The following RAD21 variants were observed in gnomAD, a reference collection of about 807,000 sequenced individuals.
RAD21 encodes double-strand-break repair protein rad21 homolog.
In RAD21, 18 loss-of-function variants were observed where a neutral mutation model predicts 71.5. The ratio of observed to expected loss-of-function variants is 0.25; its 90% CI spans 0.17 to 0.37. The LOEUF (loss-of-function observed/expected upper bound fraction) is 0.37. Among genes scored for constraint, RAD21 ranks in the 10% least tolerant of loss-of-function variants. The pLI, the probability that RAD21 is intolerant of heterozygous loss-of-function variation, is 1.00. For missense variants in RAD21, 493 were observed against 769.1 expected, an observed-to-expected ratio of 0.64 and a Z score of 4.25; for synonymous variants, 248 against 254.0, an observed-to-expected ratio of 0.98 and a Z score of 0.22.
At chr8:116,854,949 C>T (rs1812431515) in intron 8 of RAD21, among the ~76,000 whole-genome samples, 1 of 152,052 alleles carries the variant, frequency 6.6e-6, no homozygotes, top group Admixed American at 6.6e-5. Flanking sequence ...GAAACAAGCC[C>T]AAGCCCAGTC....
intron 1 of RAD21, among the ~76,000 whole-genome samples, chr8:116,873,213 T>C (rs939624490): frequency 6.6e-6 from 1 of 152,230 alleles, no homozygotes; most frequent in Non-Finnish European, 1.5e-5. Context: ...TCTTAGAATT[T>C]GTATGTTTCA....
chr8:116,855,646 C>G (rs1812445842), intron 8 of RAD21, among the ~76,000 whole-genome samples: 1 of 152,054 alleles, frequency 6.6e-6, no homozygotes, highest in Non-Finnish European at 1.5e-5. Context: ...AGTGGTTTTC[C>G]TGCTTGGGCC....
chr8:116,864,731 A>G (rs983826636), intron 2 of RAD21, among the ~76,000 whole-genome samples: 1 of 152,180 alleles, frequency 6.6e-6, no homozygotes, highest in Non-Finnish European at 1.5e-5. Context: ...GCAACTTTCA[A>G]AAAGTGGTGT....
intron 12 of RAD21, 145 bp downstream of exon 12, chr8:116,850,473 G>A (rs916615574): frequency 8.3e-6 from 11 of 1,321,234 alleles, no homozygotes; most frequent in African/African-American, 5.9e-5. Context: ...TCAATACCAC[G>A]AAGAATATGG....
In RAD21 at chr8:116,854,472, G is replaced by C; in HGVS notation, c.938-4C>G. 1 of 1,604,308 alleles carries C rather than the reference G, an allele frequency of 6.2e-7. No homozygotes were observed. The highest frequency in any genetic ancestry group is 8.5e-7 in the Non-Finnish European group (1 of 1,172,002). On this transcript the variant is annotated splice_polypyrimidine_tract_variant and splice_region_variant and intron_variant, in intron 8 of 13. Coordinates refer to ENST00000297338, the MANE Select transcript of RAD21 (RefSeq NM_006265.3). ...CTCTTGGCTTTTGTTTCTTTAACTG[G>C]AATGATAATAAAAAATAAGATCATT...
intron 1 of RAD21, among the ~76,000 whole-genome samples, chr8:116,873,184 A>G (rs1812870167): frequency 6.6e-6 from 1 of 152,218 alleles, no homozygotes; most frequent in South Asian, 2.1e-4. Context: ...TCCATTCTGT[A>G]CCAAACTGTA....
In RAD21 at chr8:116,847,173, AAG is replaced by A. The variant is rs1286892902; in HGVS notation, c.*325_*326del. On this transcript the variant is annotated 3_prime_UTR_variant, in exon 14 of 14. Transcript: ENST00000297338. ...CTTTTCAATGCAGTAATGAAGAACT[AAG>A]ATAAAAATCATGACTTTTGACTGCC... is the stretch of plus-strand genomic sequence containing the variant. 1 of 267,164 alleles carries A rather than the reference AAG, an allele frequency of 3.7e-6. No individual in the cohort carries two copies. Among genetic ancestry groups the A allele is most frequent in the African/African-American group, 2.2e-5 (1 of 46,344 alleles). 16.5% of individuals were successfully genotyped at this position (267,164 alleles called of 1,614,324 possible). A position where few individuals can be genotyped will look rare whatever the true frequency, so the allele number is the denominator to read the frequency against.
chr8:116,852,479 A>G (rs1812371384), intron 10 of RAD21, 70 bp downstream of exon 10: 1 of 1,407,558 alleles, frequency 7.1e-7, no homozygotes, highest in African/African-American at 1.5e-5. Context: ...TCACTCTGAC[A>G]GTATAAAGGT....
chr8:116,868,517 T>G (rs192977275), intron 1 of RAD21, among the ~76,000 whole-genome samples: 1 of 152,340 alleles, frequency 6.6e-6, no homozygotes, highest in African/African-American at 2.4e-5. Context: ...CTGTCCCGAA[T>G]GTGACTGCTG....
At chr8:116,856,477 A>G (rs1322248345) in intron 7 of RAD21, among the ~76,000 whole-genome samples, 169 bp downstream of exon 7, 1 of 152,120 alleles carries the variant, frequency 6.6e-6, no homozygotes, top group Non-Finnish European at 1.5e-5. Flanking sequence ...AAAAATGGGG[A>G]GGGGTGCAAG....
rs1434792098 is a variant in RAD21, at chr8:116,851,807, C to T, written c.1470+141G>A. The T allele has an allele frequency of 1.8e-5, 15 of 814,700 alleles. No individual in the cohort carries two copies. The East Asian group carries it at 3.8e-4, about 21-fold the overall frequency. 50.5% of individuals were successfully genotyped at this position (814,700 alleles called of 1,614,324 possible). On this transcript the variant is annotated intron_variant, in intron 11 of 13. Coordinates refer to ENST00000297338, the MANE Select transcript of RAD21 (RefSeq NM_006265.3). ...TCACTCCGAGTGGACTGTCTATATC[C>T]TGTTGCTCTTCTTCCTCTGGACTCA...
At position 116,851,951 on chromosome 8, in the gene RAD21, C is replaced by A; in HGVS notation, c.1467G>T (p.Met489Ile). Residue 489 changes from methionine to isoleucine, a missense_variant, in exon 11 of 14, where the codon ATG (methionine) becomes ATT (isoleucine). Coordinates refer to ENST00000297338, the MANE Select transcript of RAD21 (RefSeq NM_006265.3). ...ATGGATAGATTTGCTTACTTACAGG[C>A]ATCACAGGCTCTGGGTCAATTTGTC... is the stretch of plus-strand genomic sequence containing the variant. Reference protein sequence around the residue: ...KAGQIDPEPVMPPQQVEQMEI... With the variant: ...KAGQIDPEPVIPPQQVEQMEI... 1 of 1,606,038 alleles carries A rather than the reference C, an allele frequency of 6.2e-7. No individual in the cohort carries two copies. The highest frequency in any genetic ancestry group is 8.5e-7 in the Non-Finnish European group (1 of 1,174,264).
chr8:116,859,453 C>A (rs1812541197), intron 4 of RAD21, among the ~76,000 whole-genome samples: 1 of 152,028 alleles, frequency 6.6e-6, no homozygotes, highest in African/African-American at 2.4e-5. Context: ...ATTGCCCAGG[C>A]TAGTCTCAAA....
intron 8 of RAD21, among the ~76,000 whole-genome samples, chr8:116,855,203 T>C (rs1299143163): frequency 1.3e-5 from 2 of 152,180 alleles, no homozygotes; most frequent in Non-Finnish European, 2.9e-5. Context: ...TAATACAGTA[T>C]ATATTTTACT....
intron 8 of RAD21, among the ~76,000 whole-genome samples, chr8:116,854,769 A>G (rs1463586896): frequency 6.6e-6 from 1 of 152,214 alleles, no homozygotes; most frequent in Non-Finnish European, 1.5e-5. Context: ...TTTATACTGT[A>G]AACAATGAAC....
At chr8:116,862,943 C>G (rs542139958) in intron 3 of RAD21, among the ~76,000 whole-genome samples, 187 bp downstream of exon 3, 1 of 152,088 alleles carries the variant, frequency 6.6e-6, no homozygotes, top group Non-Finnish European at 1.5e-5. Flanking sequence ...GGAGAACAGA[C>G]GCAAGTAGGT....
Position 116,847,367 on chromosome 8 carries a change from TGAA to T in RAD21, c.*130_*132del, listed in dbSNP as rs1257014441. On this transcript the variant is annotated 3_prime_UTR_variant, in exon 14 of 14. Coordinates refer to ENST00000297338, the MANE Select transcript of RAD21 (RefSeq NM_006265.3). ...ACAAATTTAATGTACTGGAAAAAAA[TGAA>T]GAAGGAAAAAGGCAAAGACTTTGTA... 2.5e-5 allele frequency: 18 copies of T among 727,952 alleles called. No homozygotes were observed. The highest frequency in any genetic ancestry group is 7.3e-5 in the South Asian group (3 of 41,302). The allele number at this position is 727,952 out of a possible 1,614,324, so 45.1% of individuals were successfully genotyped here. A position where few individuals can be genotyped will look rare whatever the true frequency, so the allele number is the denominator to read the frequency against.
At chr8:116,861,477 T>G (rs1812592913) in intron 4 of RAD21, among the ~76,000 whole-genome samples, 1 of 151,382 alleles carries the variant, frequency 6.6e-6, no homozygotes, top group Non-Finnish European at 1.5e-5. Flanking sequence ...GCTCTGAGTA[T>G]AGCCTGGCCA....
intron 1 of RAD21, among the ~76,000 whole-genome samples, chr8:116,873,509 A>C (rs1474642584): frequency 6.6e-6 from 1 of 150,518 alleles, no homozygotes; most frequent in African/African-American, 2.5e-5. Context: ...AATTTAAGAA[A>C]ATAGAAATTT....
Sources: gnomAD v4.1 joint callset for allele counts (sites outside exome capture counted in the v4.1 genomes callset) on GRCh38, gnomAD v4.1.1 for gene constraint, MANE v1.5 for transcripts, NCBI Gene and HGNC (gene_info 2026-07-23, HGNC 2026-07-21) for gene names.